PLXNA4: variants seen among roughly 807,000 people sequenced by gnomAD.
The protein encoded by PLXNA4 is plexin-A4.
In PLXNA4, 44 loss-of-function variants were observed where a neutral mutation model predicts 191.8. The observed-to-expected ratio is 0.23, with a 90% CI of 0.18 to 0.29. PLXNA4 has a LOEUF of 0.29. Among genes scored for constraint, PLXNA4 ranks in the 10% least tolerant of loss-of-function variants. PLXNA4 has a pLI of 1.00. For missense variants in PLXNA4, 1,800 were observed against 2,488.8 expected (o/e 0.72, Z 5.89); for synonymous variants, 1,082 against 1,009.5 (o/e 1.07, Z -1.36).
chr7:132,610,660 A>C (rs1032159513), intron 2 of PLXNA4, among the ~76,000 whole-genome samples: 17 of 152,192 alleles, frequency 1.1e-4, no homozygotes, highest in Admixed American at 6.5e-4. Context: ...TCATCAGGCT[A>C]AGGGAAGCCA....
chr7:132,143,218 G>C (rs1795320086), intron 29 of PLXNA4, among the ~76,000 whole-genome samples: 1 of 152,158 alleles, frequency 6.6e-6, no homozygotes, highest in South Asian at 2.1e-4. Flanking sequence ...TTCCCAGACT[G>C]TGTCTTCCTC....
chr7:132,368,781 C>A (rs1804302014), intron 3 of PLXNA4, among the ~76,000 whole-genome samples: 1 of 152,168 alleles, frequency 6.6e-6, no homozygotes, highest in South Asian at 2.1e-4. Context: ...ACAGCCCAGC[C>A]CTCCCAAAGC....
At chr7:132,540,843 T>C (rs551043046) in intron 1 of PLXNA4, among the ~76,000 whole-genome samples, 2 of 152,122 alleles carry the variant, frequency 1.3e-5, no homozygotes, top group African/African-American at 2.4e-5. Context: ...CGCCTCGGCC[T>C]CCCAAAGTGC....
intron 3 of PLXNA4, among the ~76,000 whole-genome samples, chr7:132,360,807 C>A (rs1465454411): frequency 6.6e-6 from 1 of 152,164 alleles, no homozygotes; most frequent in East Asian, 1.9e-4. Context: ...CAGTCCTGCA[C>A]AGCACCCTGG....
intron 5 of PLXNA4, among the ~76,000 whole-genome samples, chr7:132,239,068 G>T (rs1248108006): frequency 6.6e-6 from 1 of 152,210 alleles, no homozygotes; most frequent in African/African-American, 2.4e-5. Flanking sequence ...CTGTTTTTAT[G>T]CCATGCTGAG....
chr7:132,381,973 CTCAA>C (rs1285700421), intron 3 of PLXNA4, among the ~76,000 whole-genome samples: 4 of 152,156 alleles, frequency 2.6e-5, no homozygotes, highest in African/African-American at 9.7e-5. Flanking sequence ...TCCAGTTTCT[CTCAA>C]TCAATTATTC....
At chr7:132,275,389 G>C (rs1291257857) in intron 4 of PLXNA4, among the ~76,000 whole-genome samples, 1 of 151,990 alleles carries the variant, frequency 6.6e-6, no homozygotes, top group Non-Finnish European at 1.5e-5. Context: ...ATAGTTCTAT[G>C]TCATTTTATT....
chr7:132,209,001 C>T (rs868265475), intron 10 of PLXNA4, among the ~76,000 whole-genome samples: 6 of 152,230 alleles, frequency 3.9e-5, no homozygotes, highest in Admixed American at 6.5e-5. Flanking sequence ...GACATTTCAA[C>T]ACAATCTACT....
chr7:132,644,073 T>C (rs1396913218), intron 2 of PLXNA4, among the ~76,000 whole-genome samples: 5 of 152,212 alleles, frequency 3.3e-5, no homozygotes, highest in Middle Eastern at 3.2e-3. Flanking sequence ...CGGTAAAATA[T>C]ATTTATTACC....
Position 132,508,201 on chromosome 7 carries a change from C to T in PLXNA4, c.493G>A (p.Glu165Lys), listed in dbSNP as rs765631133. ...ATCACTCCAAAGACTGAGCCGCTCT[C>T]GTTGACACCTGACAGATAGTGCTCC... ...KKEHYLSGVN[E>K]SGSVFGVIVS... Residue 165 changes from glutamate (E) to lysine (K), a missense_variant, in exon 2 of 32, where the codon GAG becomes AAG. Glu to Lys is a moderately conservative substitution (Grantham distance 56). Transcript: ENST00000321063. The surrounding 1 kb of genome is among the most constrained non-coding windows in gnomAD (Gnocchi z 4.4). 1.2e-5 allele frequency: 20 copies of T among 1,614,188 alleles called. No homozygotes were observed. Among genetic ancestry groups the T allele is most frequent in the Non-Finnish European group, 1.6e-5 (19 of 1,180,040 alleles).
intron 3 of PLXNA4, among the ~76,000 whole-genome samples, chr7:132,341,707 T>C (rs1803035566): frequency 6.6e-6 from 1 of 152,224 alleles, no homozygotes; most frequent in Non-Finnish European, 1.5e-5. Flanking sequence ...TTCCTCATCA[T>C]GGCCCTTACC....
intron 1 of PLXNA4, among the ~76,000 whole-genome samples, chr7:132,509,998 G>A (rs1798644651): frequency 6.6e-6 from 1 of 152,172 alleles, no homozygotes; most frequent in Non-Finnish European, 1.5e-5. Context: ...AAGCAGTCAA[G>A]CAAATAAATA....
upstream of PLXNA4, among the ~76,000 whole-genome samples, chr7:132,577,892 C>T (rs557209498): frequency 2.6e-4 from 40 of 152,098 alleles, no homozygotes; most frequent in Non-Finnish European, 5.0e-4. Flanking sequence ...CCAAGGAGGC[C>T]GAGGACACTG....
chr7:132,216,119 T>TA (rs1233952641), intron 9 of PLXNA4, among the ~76,000 whole-genome samples: 1 of 152,130 alleles, frequency 6.6e-6, no homozygotes. Flanking sequence ...TCTGGGCAGG[T>TA]AGTGTCAGAA....
chr7:132,134,592 G>A (rs1439461300), intron 30 of PLXNA4, among the ~76,000 whole-genome samples: 1 of 152,186 alleles, frequency 6.6e-6, no homozygotes, highest in Non-Finnish European at 1.5e-5. Context: ...CAAGGGAAGG[G>A]GCTGGTCAGA....
chr7:132,199,615 C>A (rs915536451), intron 12 of PLXNA4, among the ~76,000 whole-genome samples: 1 of 152,152 alleles, frequency 6.6e-6, no homozygotes, highest in Non-Finnish European at 1.5e-5. Context: ...CCAATGTCAG[C>A]AGGATTAGAA....
intron 1 of PLXNA4, among the ~76,000 whole-genome samples, chr7:132,532,323 T>C (rs980967585): frequency 2.6e-5 from 4 of 152,238 alleles, no homozygotes; most frequent in African/African-American, 9.6e-5. Context: ...TCAGAATCAC[T>C]TGGTGGCCTT....
At chr7:132,515,397 T>C (rs547316888) in intron 1 of PLXNA4, among the ~76,000 whole-genome samples, 1 of 152,312 alleles carries the variant, frequency 6.6e-6, no homozygotes, top group African/African-American at 2.4e-5. Flanking sequence ...ATTTTTCCCC[T>C]TTTGCAGAAG....
chr7:132,258,042 G>T (rs1313163782), intron 4 of PLXNA4, among the ~76,000 whole-genome samples: 2 of 152,334 alleles, frequency 1.3e-5, no homozygotes, highest in East Asian at 3.9e-4. Context: ...AGAAAAGTTG[G>T]ACAGAAAGCT....
Sources: allele counts gnomAD v4.1 joint callset (sites outside exome capture counted in the v4.1 genomes callset), GRCh38; gene constraint gnomAD v4.1.1; non-coding constraint Gnocchi (gnomAD v3.1); transcripts MANE v1.5; gene names NCBI Gene and HGNC (gene_info 2026-07-23, HGNC 2026-07-21).